The following MAGI2 variants were observed in gnomAD, a reference collection of about 807,000 sequenced individuals.
The protein encoded by MAGI2 is membrane associated guanylate kinase, WW and PDZ domain containing 2, also known as membrane-associated guanylate kinase, WW and PDZ domain-containing protein 2.
Under a neutral mutation model 133.3 loss-of-function variants are expected in MAGI2, and 35 were observed. That is an observed-to-expected ratio of 0.26 (90% CI 0.20 to 0.35). MAGI2 has a LOEUF of 0.35. Among genes scored for constraint, MAGI2 ranks in the 10% least tolerant of loss-of-function variants. The pLI is 1.00. For synonymous variants in MAGI2, 729 were observed against 710.6 expected, an observed-to-expected ratio of 1.03 and a Z score of -0.41; for missense variants, 1,636 against 1,863.4, an observed-to-expected ratio of 0.88 and a Z score of 2.25.
In MAGI2 at chr7:78,872,409, TTAAA is replaced by T. The variant is rs200070482; in HGVS notation, c.418+134677_418+134680del. 5.4e-4 allele frequency among the ~76,000 whole-genome samples: 82 copies of T among 152,226 alleles called. 1 individual carries two copies. In the East Asian group the frequency reaches 0.015, roughly 28 times the overall value. On this transcript the variant is annotated intron_variant, in intron 2 of 21. Coordinates refer to ENST00000354212, the MANE Select transcript of MAGI2 (RefSeq NM_012301.4). ...TCATAAAATACATCTCATCAATAAGTTAAATAAGAAATTGTGAAAGATACTAGAA... is the reference window on the plus strand; with the variant it reads ...TCATAAAATACATCTCATCAATAAGTTAAGAAATTGTGAAAGATACTAGAA...
At chr7:78,488,993 A>T (rs1793335155) in intron 6 of MAGI2, among the ~76,000 whole-genome samples, 1 of 152,074 alleles carries the variant, frequency 6.6e-6, no homozygotes, top group Non-Finnish European at 1.5e-5. Flanking sequence ...CACATAAAGT[A>T]TGTGATTGTG....
chr7:78,856,806 G>C (rs1310844307), intron 2 of MAGI2, among the ~76,000 whole-genome samples: 3 of 152,154 alleles, frequency 2.0e-5, no homozygotes, highest in Non-Finnish European at 4.4e-5. Context: ...TTGGTAGCTT[G>C]ATGGGGATGG....
intron 3 of MAGI2, among the ~76,000 whole-genome samples, chr7:78,592,169 T>G (rs1321373021): frequency 6.6e-6 from 1 of 152,162 alleles, no homozygotes; most frequent in Non-Finnish European, 1.5e-5. Flanking sequence ...TATAGCACTT[T>G]CCGGTGCTAA....
At chr7:78,788,547 T>A (rs61250674) in intron 2 of MAGI2, among the ~76,000 whole-genome samples, 3,935 of 152,100 alleles carry the variant, frequency 0.026, 161 homozygotes, top group African/African-American at 0.089. Flanking sequence ...TCATTTTTTT[T>A]TAAAATTTGA....
At chr7:79,148,508 T>C (rs548635465) in intron 1 of MAGI2, among the ~76,000 whole-genome samples, 1 of 152,184 alleles carries the variant, frequency 6.6e-6, no homozygotes, top group African/African-American at 2.4e-5. Context: ...ATGTTCTCTA[T>C]TGTAAACCTC....
intron 9 of MAGI2, among the ~76,000 whole-genome samples, chr7:78,324,170 CACACTACACT>C (rs71085522): frequency 7.7e-4 from 98 of 127,282 alleles, no homozygotes; most frequent in East Asian, 6.6e-3. Context: ...CACTACACTA[CACACTACACT>C]ACACTACACT....
chr7:79,306,495 C>T (rs1341185038), intron 1 of MAGI2, among the ~76,000 whole-genome samples: 1 of 151,728 alleles, frequency 6.6e-6, no homozygotes, highest in East Asian at 1.9e-4. Flanking sequence ...CACAGATCTA[C>T]ATTTTTACTT....
At chr7:79,435,471 T>G (rs1410252695) in intron 1 of MAGI2, among the ~76,000 whole-genome samples, 1 of 152,200 alleles carries the variant, frequency 6.6e-6, no homozygotes, top group Non-Finnish European at 1.5e-5. Context: ...TGGATCTAAT[T>G]TTTATATATC....
At chr7:79,297,313 T>C (rs1837015230) in intron 1 of MAGI2, among the ~76,000 whole-genome samples, 1 of 152,150 alleles carries the variant, frequency 6.6e-6, no homozygotes, top group South Asian at 2.1e-4. Context: ...ATGAGCAAGA[T>C]AGATGGGGAT....
At chr7:78,133,108 A>G (rs1443997816) in intron 17 of MAGI2, 48 bp from the exon 18 acceptor site, 1 of 1,432,036 alleles carries the variant, frequency 7.0e-7, no homozygotes, top group South Asian at 1.5e-5. Flanking sequence ...TAGTGTTGAT[A>G]AGGGGAAAGA....
At chr7:78,218,480 T>C (rs975577474) in intron 10 of MAGI2, among the ~76,000 whole-genome samples, 4 of 152,238 alleles carry the variant, frequency 2.6e-5, no homozygotes, top group African/African-American at 9.6e-5. Flanking sequence ...AATAATTGTA[T>C]TGTTAACAAG....
intron 1 of MAGI2, among the ~76,000 whole-genome samples, chr7:79,035,098 G>T (rs1396180569): frequency 6.6e-6 from 1 of 151,770 alleles, no homozygotes; most frequent in African/African-American, 2.4e-5. Context: ...AAATTGAAAA[G>T]CATGAAATCC....
chr7:79,130,723 T>G (rs1820857905), intron 1 of MAGI2, among the ~76,000 whole-genome samples: 1 of 152,218 alleles, frequency 6.6e-6, no homozygotes, highest in Non-Finnish European at 1.5e-5. Flanking sequence ...TATTAACCAA[T>G]TTTCACTCAT....
chr7:78,535,877 C>T (rs75263772), intron 3 of MAGI2, among the ~76,000 whole-genome samples: 7,728 of 77,498 alleles, frequency 0.1, 891 homozygotes, highest in East Asian at 0.61. Context: ...TGTACACCCC[C>T]CCCGCCCACC....
intron 2 of MAGI2, among the ~76,000 whole-genome samples, chr7:78,884,774 G>T (rs949814402): frequency 6.6e-6 from 1 of 151,280 alleles, no homozygotes; most frequent in Non-Finnish European, 1.5e-5. Flanking sequence ...ATCTCTCAAA[G>T]AACTAAAAAA....
chr7:78,784,200 T>G (rs62469574), intron 2 of MAGI2, among the ~76,000 whole-genome samples: 1 of 116,842 alleles, frequency 8.6e-6, no homozygotes, highest in African/African-American at 3.1e-5. Flanking sequence ...TCAAATGTTT[T>G]AGGTTTTTTT....
chr7:79,061,367 C>T (rs564935241), intron 1 of MAGI2, among the ~76,000 whole-genome samples: 45 of 150,964 alleles, frequency 3.0e-4, no homozygotes, highest in African/African-American at 1.0e-3. Context: ...TCAAGCTCAA[C>T]GAGGCTGAGA....
intron 2 of MAGI2, among the ~76,000 whole-genome samples, chr7:78,788,565 G>A (rs149175449): frequency 1.4e-5 from 2 of 147,958 alleles, no homozygotes; most frequent in African/African-American, 5.0e-5. Flanking sequence ...TGAATTATGG[G>A]CACCTATCTT....
intron 2 of MAGI2, among the ~76,000 whole-genome samples, chr7:78,710,748 A>G (rs1230887274): frequency 2.0e-5 from 3 of 152,244 alleles, no homozygotes; most frequent in Non-Finnish European, 2.9e-5. Flanking sequence ...CAAAAGATAC[A>G]AAAACTCTAG....
Sources: allele counts gnomAD v4.1 joint callset (sites outside exome capture counted in the v4.1 genomes callset), GRCh38; gene constraint gnomAD v4.1.1; transcripts MANE v1.5; gene names NCBI Gene and HGNC (gene_info 2026-07-23, HGNC 2026-07-21).